TCERG1L: variants seen among roughly 807,000 people sequenced by gnomAD.
The protein encoded by TCERG1L is transcription elongation regulator 1-like protein.
Under a neutral mutation model 56.3 loss-of-function variants are expected in TCERG1L, and 37 were observed. That is an observed-to-expected ratio of 0.66 (90% CI 0.51 to 0.87). TCERG1L has a LOEUF of 0.87. Among genes scored for constraint, TCERG1L ranks in the 40% least tolerant of loss-of-function variants. The pLI is 0.00. For synonymous variants in TCERG1L, 324 were observed against 326.3 expected, an observed-to-expected ratio of 0.99 and a Z score of 0.08; for missense variants, 799 against 774.2, an observed-to-expected ratio of 1.03 and a Z score of -0.38.
At chr10:131,284,182 T>C (rs111401316) in intron 3 of TCERG1L, among the ~76,000 whole-genome samples, 8,008 of 146,890 alleles carry the variant, frequency 0.055, 336 homozygotes, top group African/African-American at 0.11. Context: ...ATAAAACAAA[T>C]CTCCACACAT....
At chr10:131,302,509 G>C (rs1162635111) in intron 3 of TCERG1L, among the ~76,000 whole-genome samples, 3 of 151,544 alleles carry the variant, frequency 2.0e-5, no homozygotes, top group African/African-American at 7.3e-5. Flanking sequence ...GCCATACCTT[G>C]AAACGGCTCT....
intron 4 of TCERG1L, among the ~76,000 whole-genome samples, chr10:131,171,863 G>T (rs975811077): frequency 6.6e-6 from 1 of 152,176 alleles, no homozygotes; most frequent in African/African-American, 2.4e-5. Context: ...GAGCCACTGC[G>T]CCTGGCCCAG....
intron 7 of TCERG1L, among the ~76,000 whole-genome samples, chr10:131,137,628 CT>C (rs1231215431): frequency 6.6e-6 from 1 of 152,198 alleles, no homozygotes; most frequent in Non-Finnish European, 1.5e-5. Context: ...ATCCACATTT[CT>C]TAAAACTTAA....
intron 7 of TCERG1L, among the ~76,000 whole-genome samples, chr10:131,139,352 T>TG (rs1845707982): frequency 6.6e-6 from 1 of 152,228 alleles, no homozygotes; most frequent in Non-Finnish European, 1.5e-5. Flanking sequence ...ATGACCCAGA[T>TG]GTCCATCCAA....
chr10:131,271,898 C>G (rs12571658), intron 3 of TCERG1L, among the ~76,000 whole-genome samples: 16,504 of 152,280 alleles, frequency 0.11, 1,208 homozygotes, highest in African/African-American at 0.21. Flanking sequence ...TGTTTAGCAA[C>G]TGATTTCAGC....
At chr10:131,278,185 G>A (rs1248053223) in intron 3 of TCERG1L, among the ~76,000 whole-genome samples, 4 of 152,014 alleles carry the variant, frequency 2.6e-5, no homozygotes, top group South Asian at 2.1e-4. Flanking sequence ...GCAGAGCCAC[G>A]TGACCCCGGC....
intron 8 of TCERG1L, among the ~76,000 whole-genome samples, chr10:131,132,856 T>C (rs1272256330): frequency 6.6e-6 from 1 of 152,106 alleles, no homozygotes; most frequent in Admixed American, 6.5e-5. Context: ...GCGTCCTCCC[T>C]CCACAGCCAG....
At chr10:131,305,875 G>A (rs1246357297) in intron 3 of TCERG1L, among the ~76,000 whole-genome samples, 1 of 151,712 alleles carries the variant, frequency 6.6e-6, no homozygotes, top group African/African-American at 2.4e-5. Context: ...TATTTTAAAT[G>A]TAGTACATGC....
Position 131,198,765 on chromosome 10 carries a change from G to A in TCERG1L, c.857-31880C>T, listed in dbSNP as rs140722323. On this transcript the variant is annotated intron_variant, in intron 4 of 11. Coordinates refer to ENST00000368642, the MANE Select transcript of TCERG1L (RefSeq NM_174937.4). ...GGCATTACTCTAGCAAGGGCTGTCT[G>A]TGAAGACACCACCCCTGGCAGATGG... Among the ~76,000 whole-genome samples, 745 of 112,624 alleles carry A rather than the reference G, an allele frequency of 6.6e-3. 9 individuals are homozygous for A. The highest frequency in any genetic ancestry group is 0.023 in the African/African-American group (662 of 28,624). 73.9% of individuals were successfully genotyped at this position (112,624 alleles called of 152,430 possible). A position where few individuals can be genotyped will look rare whatever the true frequency, so the allele number is the denominator to read the frequency against.
rs11017778 is a variant in TCERG1L, at chr10:131,166,120, A to G, written c.945+677T>C. ...AACAACAGGGTGACTACACCCTGACAGAACTCAGAGGAGAGACGGAAGCAA... is the reference window on the plus strand; with the variant it reads ...AACAACAGGGTGACTACACCCTGACGGAACTCAGAGGAGAGACGGAAGCAA... On this transcript the variant is annotated intron_variant, in intron 5 of 11. Transcript: ENST00000368642. Among the ~76,000 whole-genome samples the G allele has an allele frequency of 1.2e-4, 19 of 152,360 alleles. No individual in the cohort carries two copies. In the East Asian group the frequency reaches 3.7e-3, roughly 29 times the overall value.
chr10:131,279,490 G>A (rs549213564), intron 3 of TCERG1L, among the ~76,000 whole-genome samples: 1 of 152,030 alleles, frequency 6.6e-6, no homozygotes, highest in Non-Finnish European at 1.5e-5. Context: ...CCCCAGCAGG[G>A]GCCAAAAAAA....
rs577861537 is a variant in TCERG1L, at chr10:131,309,920, G to T, written c.343-621C>A. On this transcript the variant is annotated intron_variant, in intron 1 of 11. Transcript: ENST00000368642. ...GAATAAAACATCAGTCATGGAAAGG[G>T]GCTGGTAATTCAGGGCACCGTCTCT... 2.2e-3 allele frequency among the ~76,000 whole-genome samples: 323 copies of T among 149,704 alleles called. 1 individual carries two copies. The highest frequency in any genetic ancestry group is 7.8e-3 in the African/African-American group (316 of 40,618).
chr10:131,311,462 A>C lies in TCERG1L; in HGVS notation c.174T>G (p.Val58=). The C allele has an allele frequency of 8.5e-7, 1 of 1,180,582 alleles. No individual in the cohort carries two copies. Among genetic ancestry groups the C allele is most frequent in the Non-Finnish European group, 1.0e-6 (1 of 957,590 alleles). The allele number at this position is 1,180,582 out of a possible 1,614,324, so 73.1% of individuals were successfully genotyped here. A position where few individuals can be genotyped will look rare whatever the true frequency, so the allele number is the denominator to read the frequency against. Residue 58 remains valine (V), a synonymous_variant, in exon 1 of 12, where the codon GTT becomes GTG. Coordinates refer to ENST00000368642, the MANE Select transcript of TCERG1L (RefSeq NM_174937.4). This position sits in a 1 kb window ranked among gnomAD's most constrained non-coding sequence, Gnocchi z 4.0. ...GLLRLSAGVV[V]PPVLLASAPP... is the part of the protein sequence containing the mutation. ...GGGCCGAGGCGAGCAGCACCGGGGG[A>C]ACCACGACCCCCGCGCTGAGCCGGA...
chr10:131,308,414 TA>T, intron 2 of TCERG1L, 23 bp from the exon 3 acceptor site: 3 of 1,606,068 alleles, frequency 1.9e-6, no homozygotes, highest in Non-Finnish European at 2.6e-6. Context: ...AATGCAAGCA[TA>T]ACACTGAAGG....
intron 4 of TCERG1L, among the ~76,000 whole-genome samples, chr10:131,207,929 C>T (rs907645911): frequency 3.3e-5 from 5 of 152,234 alleles, no homozygotes; most frequent in Admixed American, 2.0e-4. Flanking sequence ...AGGCTCCAGG[C>T]GGCTTCAGGG....
chr10:131,098,714 C>T (rs1845274368), intron 10 of TCERG1L, among the ~76,000 whole-genome samples: 1 of 152,202 alleles, frequency 6.6e-6, no homozygotes, highest in Non-Finnish European at 1.5e-5. Context: ...AATGACTTGG[C>T]TGCCCTCTCT....
intron 3 of TCERG1L, among the ~76,000 whole-genome samples, chr10:131,280,268 A>G (rs1445830517): frequency 6.6e-6 from 1 of 151,874 alleles, no homozygotes; most frequent in Admixed American, 6.6e-5. Context: ...CACTTAACTC[A>G]GTGAGCACAG....
At chr10:131,217,587 A>G (rs927897901) in intron 4 of TCERG1L, among the ~76,000 whole-genome samples, 9 of 152,108 alleles carry the variant, frequency 5.9e-5, no homozygotes, top group Non-Finnish European at 1.5e-5. Flanking sequence ...TGCCTGGCCA[A>G]CAGCAGTCAC....
intron 4 of TCERG1L, among the ~76,000 whole-genome samples, chr10:131,213,083 G>A (rs1564817265): frequency 6.6e-6 from 1 of 152,240 alleles, no homozygotes; most frequent in Non-Finnish European, 1.5e-5. Context: ...CTCCATCAGA[G>A]GCTGTATGGG....
Sources: allele counts gnomAD v4.1 joint callset (sites outside exome capture counted in the v4.1 genomes callset), GRCh38; gene constraint gnomAD v4.1.1; non-coding constraint Gnocchi (gnomAD v3.1); transcripts MANE v1.5; gene names NCBI Gene and HGNC (gene_info 2026-07-23, HGNC 2026-07-21).